Variants in OCA2 observed in about 807,000 individuals in gnomAD.
The protein encoded by OCA2 is P protein.
OCA2 carries 77 observed loss-of-function variants against 100.2 expected under a neutral mutation model. That is an observed-to-expected ratio of 0.77 (90% CI 0.64 to 0.93). The LOEUF is 0.93. Among genes scored for constraint, OCA2 ranks in the 40% least tolerant of loss-of-function variants. The probability of loss-of-function intolerance (pLI) is 0.00; values close to 1 mark genes in which losing one functional copy is unlikely to be tolerated. For synonymous variants in OCA2, 432 were observed against 439.2 expected, an observed-to-expected ratio of 0.98 and a Z score of 0.21; for missense variants, 1,062 against 1,089.1, an observed-to-expected ratio of 0.98 and a Z score of 0.35.
chr15:27,926,907 C>T (rs900357027), intron 18 of OCA2, among the ~76,000 whole-genome samples: 14 of 152,210 alleles, frequency 9.2e-5, no homozygotes, highest in African/African-American at 1.4e-4. Context: ...AGCCACCATG[C>T]CCCACCTGTT....
intron 9 of OCA2, among the ~76,000 whole-genome samples, chr15:28,004,559 C>A (rs113715958): frequency 6.6e-6 from 1 of 152,088 alleles, no homozygotes. Flanking sequence ...CATGCCCACA[C>A]ACTAACACAG....
chr15:28,072,827 G>A (rs2141815776), intron 2 of OCA2, among the ~76,000 whole-genome samples: 1 of 152,230 alleles, frequency 6.6e-6, no homozygotes, highest in African/African-American at 2.4e-5. Flanking sequence ...ACAGAGAAAA[G>A]GGAATCCTTA....
intron 6 of OCA2, among the ~76,000 whole-genome samples, chr15:28,020,740 G>A (rs998903457): frequency 2.0e-5 from 3 of 152,196 alleles, no homozygotes; most frequent in African/African-American, 7.2e-5. Flanking sequence ...ACGTGCACAC[G>A]CACTCAGCTG....
intron 2 of OCA2, among the ~76,000 whole-genome samples, chr15:28,065,045 A>C (rs1387318478): frequency 6.6e-6 from 1 of 151,802 alleles, no homozygotes; most frequent in African/African-American, 2.4e-5. Flanking sequence ...TTTGACAGAG[A>C]TTTTCTTCAA....
intron 23 of OCA2, among the ~76,000 whole-genome samples, chr15:27,819,186 C>T (rs2034414752): frequency 6.6e-6 from 1 of 152,216 alleles, no homozygotes; most frequent in Non-Finnish European, 1.5e-5. Flanking sequence ...AAGGAACATA[C>T]ACCCAAGAGA....
intron 19 of OCA2, among the ~76,000 whole-genome samples, chr15:27,890,111 T>C (rs1186275822): frequency 1.3e-5 from 2 of 152,230 alleles, no homozygotes; most frequent in Non-Finnish European, 2.9e-5. Flanking sequence ...TCAGTGAATT[T>C]GAGGGCAAAT....
intron 2 of OCA2, among the ~76,000 whole-genome samples, chr15:28,061,938 G>A (rs2043885273): frequency 6.6e-6 from 1 of 152,146 alleles, no homozygotes; most frequent in African/African-American, 2.4e-5. Flanking sequence ...CTGTTGTATG[G>A]ATATGCCAAA....
chr15:28,065,041 A>G (rs1445557530), intron 2 of OCA2, among the ~76,000 whole-genome samples: 1 of 152,088 alleles, frequency 6.6e-6, no homozygotes, highest in Non-Finnish European at 1.5e-5. Context: ...ATGTTTTGAC[A>G]GAGATTTTCT....
chr15:27,957,154 T>A lies in OCA2; in HGVS notation c.1784+434A>T, dbSNP rs1449789530. Among the ~76,000 whole-genome samples, 1 of 152,206 alleles carries A rather than the reference T, an allele frequency of 6.6e-6. No homozygotes were observed. The highest frequency in any genetic ancestry group is 2.4e-5 in the African/African-American group (1 of 41,454). The stretch of plus-strand genomic sequence containing the variant: ...TAACAACGAATGCCAGGAAACAAAT[T>A]GAGTGGGGCTTTCATATTCTTGCAG... On this transcript the variant is annotated intron_variant, in intron 16 of 23. Transcript: ENST00000354638. The surrounding 1 kb of genome is among the most constrained non-coding windows in gnomAD (Gnocchi z 4.3).
At chr15:28,087,136 G>T (rs563100632) in intron 1 of OCA2, among the ~76,000 whole-genome samples, 1 of 152,084 alleles carries the variant, frequency 6.6e-6, no homozygotes. Context: ...AACATATATA[G>T]TGGGCAAAAT....
At chr15:27,870,898 G>A (rs1427522606) in intron 21 of OCA2, among the ~76,000 whole-genome samples, 1 of 152,172 alleles carries the variant, frequency 6.6e-6, no homozygotes, top group Non-Finnish European at 1.5e-5. Flanking sequence ...AGCTCTCAGT[G>A]GGGCTGACCT....
intron 23 of OCA2, among the ~76,000 whole-genome samples, chr15:27,836,954 T>C (rs965346770): frequency 3.9e-5 from 6 of 152,268 alleles, no homozygotes; most frequent in African/African-American, 1.4e-4. Context: ...ACAAAAGCTT[T>C]ACTGGAAGCT....
At chr15:27,969,856 G>A (rs1337195765) in intron 14 of OCA2, among the ~76,000 whole-genome samples, 1 of 151,344 alleles carries the variant, frequency 6.6e-6, no homozygotes, top group East Asian at 1.9e-4. Context: ...AGGTTGCAAA[G>A]GAGGGGCTCA....
intron 9 of OCA2, among the ~76,000 whole-genome samples, chr15:28,001,280 T>C (rs893781691): frequency 1.5e-4 from 23 of 150,974 alleles, no homozygotes; most frequent in Admixed American, 2.6e-4. Context: ...CACACACACA[T>C]ACACACACAA....
At chr15:27,786,974 G>A (rs776955985) in intron 23 of OCA2, among the ~76,000 whole-genome samples, 1 of 152,016 alleles carries the variant, frequency 6.6e-6, no homozygotes, top group Non-Finnish European at 1.5e-5. Flanking sequence ...CTACTGTTTC[G>A]AGACTTTTAA....
At chr15:28,004,318 C>A (rs979408060) in intron 9 of OCA2, among the ~76,000 whole-genome samples, 1 of 151,704 alleles carries the variant, frequency 6.6e-6, no homozygotes, top group African/African-American at 2.4e-5. Context: ...GCATTGTCCC[C>A]GGGACACTCT....
At chr15:27,946,402 C>T (rs150579964) in intron 18 of OCA2, among the ~76,000 whole-genome samples, 242 of 152,318 alleles carry the variant, frequency 1.6e-3, no homozygotes, top group African/African-American at 5.5e-3. Context: ...AGCCAATCCC[C>T]GCAGCCATAC....
Position 27,755,911 on chromosome 15 carries a change from G to A in OCA2, c.2433-439C>T, listed in dbSNP as rs568411890. 2.0e-4 allele frequency among the ~76,000 whole-genome samples: 31 copies of A among 152,326 alleles called. No homozygotes were observed. In the South Asian group the frequency reaches 3.3e-3, roughly 16 times the overall value. ...TCCCTCACACTTAAGGCCAAGGAGA[G>A]CTTGATAAGTAGTGTTGGAAACTAA... is the stretch of plus-strand genomic sequence containing the variant. On this transcript the variant is annotated intron_variant, in intron 23 of 23. Coordinates refer to ENST00000354638, the MANE Select transcript of OCA2 (RefSeq NM_000275.3).
intron 23 of OCA2, among the ~76,000 whole-genome samples, chr15:27,777,376 G>GT (rs1405634845): frequency 2.0e-5 from 3 of 152,122 alleles, no homozygotes; most frequent in African/African-American, 4.8e-5. Flanking sequence ...AGATCCCCTG[G>GT]TTTTTTCTCT....
Sources: gnomAD v4.1 joint callset for allele counts (sites outside exome capture counted in the v4.1 genomes callset) on GRCh38, gnomAD v4.1.1 for gene constraint, Gnocchi (gnomAD v3.1) non-coding constraint, MANE v1.5 for transcripts, NCBI Gene and HGNC (gene_info 2026-07-23, HGNC 2026-07-21) for gene names.